EMC2: variants seen among roughly 807,000 people sequenced by gnomAD.
The protein encoded by EMC2 is TPR repeat protein 35.
Under a neutral mutation model 51.6 loss-of-function variants are expected in EMC2, and 37 were observed. The ratio of observed to expected loss-of-function variants is 0.72; its 90% CI spans 0.55 to 0.94. EMC2 has a LOEUF of 0.94. Among genes scored for constraint, EMC2 ranks in the 40% least tolerant of loss-of-function variants. The probability of loss-of-function intolerance (pLI) is 0.00; values close to 1 mark genes in which losing one functional copy is unlikely to be tolerated. For missense variants in EMC2, 359 were observed against 350.9 expected, an observed-to-expected ratio of 1.02 and a Z score of -0.18; for synonymous variants, 131 against 112.4, an observed-to-expected ratio of 1.17 and a Z score of -1.04.
intron 7 of EMC2, among the ~76,000 whole-genome samples, chr8:108,473,578 G>A (rs1213798705): frequency 1.3e-5 from 2 of 151,878 alleles, no homozygotes; most frequent in Non-Finnish European, 2.9e-5. Context: ...ATTGAAACTA[G>A]ATACTATACA....
intron 5 of EMC2, among the ~76,000 whole-genome samples, chr8:108,456,547 C>T (rs1426390818): frequency 1.3e-5 from 2 of 151,874 alleles, no homozygotes; most frequent in Non-Finnish European, 1.5e-5. Context: ...TTAATGAAGG[C>T]ATTTTATTTT....
intron 10 of EMC2, among the ~76,000 whole-genome samples, chr8:108,482,508 G>A (rs1040750118): frequency 2.6e-5 from 4 of 152,032 alleles, no homozygotes; most frequent in Non-Finnish European, 4.4e-5. Context: ...AATTCTGTGT[G>A]TCTTCAGAAT....
chr8:108,473,389 G>T (rs1191172455), intron 7 of EMC2, among the ~76,000 whole-genome samples: 3 of 151,988 alleles, frequency 2.0e-5, no homozygotes, highest in African/African-American at 7.2e-5. Flanking sequence ...GAGCATTTTG[G>T]ATTTGGGATT....
intron 5 of EMC2, among the ~76,000 whole-genome samples, chr8:108,465,791 TG>T (rs1450692167): frequency 6.6e-6 from 1 of 152,198 alleles, no homozygotes; most frequent in African/African-American, 2.4e-5. Flanking sequence ...TGATATAATT[TG>T]TTTATTGAGC....
chr8:108,454,338 T>C (rs760261097), intron 4 of EMC2, among the ~76,000 whole-genome samples: 7 of 152,120 alleles, frequency 4.6e-5, no homozygotes, highest in Non-Finnish European at 8.8e-5. Context: ...TTATAGAATT[T>C]CGTATTTTCT....
chr8:108,449,648 T>C (rs1439210720), intron 1 of EMC2, among the ~76,000 whole-genome samples, 175 bp from the exon 2 acceptor site: 1 of 152,206 alleles, frequency 6.6e-6, no homozygotes, highest in Non-Finnish European at 1.5e-5. Context: ...GTTGCCCTTG[T>C]TCAATTAATT....
chr8:108,443,630 T>C lies in EMC2; in HGVS notation c.-29T>C. 6.3e-7 allele frequency: 1 copy of C among 1,599,888 alleles called. No homozygotes were observed. The highest frequency in any genetic ancestry group is 2.3e-5 in the East Asian group (1 of 44,052). ...CACGTGACTGCGTCTCCCCGCCCTC[T>C]CACCCCGCTGCCTCTAGGTTCTGGG... is the stretch of plus-strand genomic sequence containing the variant. On this transcript the variant is annotated 5_prime_UTR_variant, in exon 1 of 11. Coordinates refer to ENST00000220853, the MANE Select transcript of EMC2 (RefSeq NM_014673.5).
In EMC2 at chr8:108,487,808, A is replaced by G. The variant is rs150917690; in HGVS notation, c.*1210A>G. On this transcript the variant is annotated 3_prime_UTR_variant, in exon 11 of 11. Coordinates refer to ENST00000220853, the MANE Select transcript of EMC2 (RefSeq NM_014673.5). ...TAGTTCTGCTAATAAATTATTCTCC[A>G]TATCTAGTCTAATCTTTCATATTAC... 5.9e-4 allele frequency among the ~76,000 whole-genome samples: 90 copies of G among 152,206 alleles called. No homozygotes were observed. Among genetic ancestry groups the G allele is most frequent in the African/African-American group, 2.0e-3 (81 of 41,536 alleles).
At chr8:108,465,139 ATAT>A (rs1480441337) in intron 5 of EMC2, among the ~76,000 whole-genome samples, 1 of 152,228 alleles carries the variant, frequency 6.6e-6, no homozygotes, top group Admixed American at 6.5e-5. Flanking sequence ...ATTCTGAGTA[ATAT>A]TATAGAAGGC....
intron 5 of EMC2, among the ~76,000 whole-genome samples, chr8:108,466,268 G>T (rs1789961): frequency 3.3e-5 from 5 of 152,166 alleles, no homozygotes; most frequent in African/African-American, 1.2e-4. Context: ...GTTAATACAC[G>T]TGACAACCAG....
intron 1 of EMC2, among the ~76,000 whole-genome samples, chr8:108,448,496 G>C (rs542861544): frequency 5.1e-4 from 78 of 152,250 alleles, no homozygotes; most frequent in African/African-American, 1.8e-3. Flanking sequence ...TCATTATAGT[G>C]AATGGGTCTC....
At chr8:108,458,745 C>T (rs1484695806) in intron 5 of EMC2, among the ~76,000 whole-genome samples, 3 of 152,178 alleles carry the variant, frequency 2.0e-5, no homozygotes. Context: ...CCATGAAGAC[C>T]TCTGACATGC....
At chr8:108,469,090 G>A (rs1810798754) in intron 5 of EMC2, among the ~76,000 whole-genome samples, 1 of 151,966 alleles carries the variant, frequency 6.6e-6, no homozygotes, top group African/African-American at 2.4e-5. Context: ...CCCTGTCATT[G>A]CTCTTACTGC....
At chr8:108,445,820 A>C (rs751158061) in intron 1 of EMC2, among the ~76,000 whole-genome samples, 113 of 152,232 alleles carry the variant, frequency 7.4e-4, no homozygotes, top group Non-Finnish European at 1.2e-3. Flanking sequence ...TGACTAAATG[A>C]ATTGTTAATG....
At chr8:108,444,541 C>T (rs1383360347) in intron 1 of EMC2, among the ~76,000 whole-genome samples, 1 of 152,086 alleles carries the variant, frequency 6.6e-6, no homozygotes, top group Non-Finnish European at 1.5e-5. Flanking sequence ...CAGGAGACTT[C>T]AGTAGCTAAT....
chr8:108,443,670 C>T lies in EMC2; in HGVS notation c.12C>T (p.Val4=), dbSNP rs773195289. 15 of 1,609,726 alleles carry T rather than the reference C, an allele frequency of 9.3e-6. No homozygotes were observed. Among genetic ancestry groups the T allele is most frequent in the African/African-American group, 4.0e-5 (3 of 74,856 alleles). ...TAGGTTCTGGGAAGATGGCGAAGGT[C>T]TCAGAGCTTTACGATGTCACTTGGG... MAK[V]SELYDVTWEE... is the part of the protein sequence containing the mutation. Residue 4 remains valine (V), a synonymous_variant, in exon 1 of 11, where the codon GTC becomes GTT. Coordinates refer to ENST00000220853, the MANE Select transcript of EMC2 (RefSeq NM_014673.5).
chr8:108,469,762 T>C, intron 5 of EMC2, 64 bp from the exon 6 acceptor site: 2 of 1,368,974 alleles, frequency 1.5e-6, no homozygotes, highest in African/African-American at 1.4e-5. Context: ...ACAGTCAAAT[T>C]ACCTTCTTTA....
chr8:108,476,959 C>A, intron 9 of EMC2, 67 bp downstream of exon 9: 1 of 753,016 alleles, frequency 1.3e-6, no homozygotes, highest in Non-Finnish European at 2.4e-6. Flanking sequence ...TTAACTATCC[C>A]CTTCAATCAC....
intron 5 of EMC2, among the ~76,000 whole-genome samples, chr8:108,465,407 G>T (rs377579023): frequency 6.6e-6 from 1 of 152,112 alleles, no homozygotes; most frequent in Admixed American, 6.5e-5. Context: ...GTACTTTTTA[G>T]TTGTTCTTTC....
Sources: gnomAD v4.1 joint callset for allele counts (sites outside exome capture counted in the v4.1 genomes callset) on GRCh38, gnomAD v4.1.1 for gene constraint, MANE v1.5 for transcripts, NCBI Gene and HGNC (gene_info 2026-07-23, HGNC 2026-07-21) for gene names.